The following TRIM54 variants were observed in gnomAD, a reference collection of about 807,000 sequenced individuals.
TRIM54 encodes tripartite motif containing 54, also known as tripartite motif-containing protein 54.
In TRIM54, 40 loss-of-function variants were observed where a neutral mutation model predicts 42.0. The observed-to-expected ratio is 0.95, with a 90% confidence interval of 0.74 to 1.24. TRIM54 has a LOEUF of 1.24. Among genes scored for constraint, TRIM54 ranks in the 50% most tolerant of loss-of-function variants. The pLI, the probability that TRIM54 is intolerant of heterozygous loss-of-function variation, is 0.00. For synonymous variants in TRIM54, 199 were observed against 194.9 expected (o/e 1.02, Z -0.17); for missense variants, 485 against 480.3 (o/e 1.01, Z -0.09).
intron 3 of TRIM54, 64 bp from the exon 4 acceptor site, chr2:27,304,895 T>C (rs1679144651): frequency 6.7e-7 from 1 of 1,481,716 alleles, no homozygotes; most frequent in East Asian, 2.3e-5. Context: ...CAACCCTGGC[T>C]GGGGTGAGGG....
chr2:27,283,206 G>T (rs796515259), intron 1 of TRIM54, among the ~76,000 whole-genome samples: 4 of 152,302 alleles, frequency 2.6e-5, no homozygotes, highest in African/African-American at 9.6e-5. Flanking sequence ...GGCTTTATAA[G>T]AGCCTGTGCC....
intron 1 of TRIM54, among the ~76,000 whole-genome samples, chr2:27,285,263 T>A (rs1678524069): frequency 6.6e-6 from 1 of 152,192 alleles, no homozygotes; most frequent in Non-Finnish European, 1.5e-5. Flanking sequence ...TATTTAGTTT[T>A]TTCGCACATT....
At chr2:27,286,420 C>A (rs1233451115) in intron 1 of TRIM54, among the ~76,000 whole-genome samples, 1 of 152,158 alleles carries the variant, frequency 6.6e-6, no homozygotes, top group Non-Finnish European at 1.5e-5. Context: ...CATTAACCCC[C>A]TCTAATTTCT....
intron 4 of TRIM54, 185 bp from the exon 5 acceptor site, chr2:27,305,399 A>T: frequency 1.7e-6 from 1 of 604,142 alleles, no homozygotes; most frequent in Non-Finnish European, 2.9e-6. Flanking sequence ...CAATCAGTGA[A>T]GCTACTTTAA....
Position 27,282,611 on chromosome 2 carries a change from C to CAGAGCTATTTCA in TRIM54, c.-116_-105dup, listed in dbSNP as rs1678412815. The CAGAGCTATTTCA allele has an allele frequency of 3.7e-6, 4 of 1,087,622 alleles. No individual in the cohort carries two copies. Among genetic ancestry groups the CAGAGCTATTTCA allele is most frequent in the Non-Finnish European group, 5.2e-6 (4 of 769,182 alleles). 67.4% of individuals were successfully genotyped at this position (1,087,622 alleles called of 1,614,324 possible). A position where few individuals can be genotyped will look rare whatever the true frequency, so the allele number is the denominator to read the frequency against. ...GTTGTTAAAGGGACAGGAGAGAAAG[C>CAGAGCTATTTCA]AGAGCTATTTCAAGAGTGAGCCACA... is the stretch of plus-strand genomic sequence containing the variant. On this transcript the variant is annotated 5_prime_UTR_variant, in exon 1 of 9. Coordinates refer to ENST00000380075, the MANE Select transcript of TRIM54 (RefSeq NM_187841.3).
chr2:27,306,577 G>T lies in TRIM54; in HGVS notation c.*1+35G>T, dbSNP rs1363971606. On this transcript the variant is annotated intron_variant, in intron 8 of 8. Transcript: ENST00000380075. This position sits in a 1 kb window ranked among gnomAD's most constrained non-coding sequence, Gnocchi z 6.1. ...GCCCGATGGGCCTTAAGGTGAGAGCGGCCTGAGGGGCTTGGGGTGGGGCCT... is the reference window on the plus strand; with the variant it reads ...GCCCGATGGGCCTTAAGGTGAGAGCTGCCTGAGGGGCTTGGGGTGGGGCCT... 2 of 1,496,264 alleles carry T rather than the reference G, an allele frequency of 1.3e-6. No individual in the cohort carries two copies. Among genetic ancestry groups the T allele is most frequent in the African/African-American group, 2.8e-5 (2 of 71,540 alleles). The allele number at this position is 1,496,264 out of a possible 1,614,324, so 92.7% of individuals were successfully genotyped here.
intron 1 of TRIM54, among the ~76,000 whole-genome samples, chr2:27,283,770 A>ACGCACGCGCGCGCGTGCG (rs1487361341): frequency 2.0e-5 from 2 of 100,476 alleles, no homozygotes; most frequent in Non-Finnish European, 3.9e-5. Flanking sequence ...AAAGGCACAC[A>ACGCACGCGCGCGCGTGCG]CACACACACG....
chr2:27,301,559 C>G (rs1267502448), intron 3 of TRIM54, among the ~76,000 whole-genome samples: 2 of 152,158 alleles, frequency 1.3e-5, no homozygotes, highest in African/African-American at 4.8e-5. Context: ...CATTAGTAAA[C>G]TGTCATGGAG....
At chr2:27,283,784 G>GCGCGCACACACACACACACACACA (rs367621533) in intron 1 of TRIM54, among the ~76,000 whole-genome samples, 1 of 132,168 alleles carries the variant, frequency 7.6e-6, no homozygotes, top group Non-Finnish European at 1.6e-5. Flanking sequence ...ACACACGCGC[G>GCGCGCACACACACACACACACACA]CACACACACA....
chr2:27,290,603 G>A (rs998671238), intron 1 of TRIM54, among the ~76,000 whole-genome samples: 2 of 152,168 alleles, frequency 1.3e-5, no homozygotes, highest in African/African-American at 4.8e-5. Flanking sequence ...CCGAGATTGT[G>A]CCACTGCATC....
chr2:27,306,157 G>T lies in TRIM54; in HGVS notation c.866+55G>T. ...GGGGGCTGCACTGCTCCACTGGCTG[G>T]GGTGGGGCTTGAGAGTGCTGGGGCA... On this transcript the variant is annotated intron_variant, in intron 6 of 8. Coordinates refer to ENST00000380075, the MANE Select transcript of TRIM54 (RefSeq NM_187841.3). The surrounding 1 kb of genome is among the most constrained non-coding windows in gnomAD (Gnocchi z 6.1). 6.2e-7 allele frequency: 1 copy of T among 1,614,036 alleles called. No individual in the cohort carries two copies. Among genetic ancestry groups the T allele is most frequent in the Non-Finnish European group, 8.5e-7 (1 of 1,179,986 alleles).
intron 2 of TRIM54, 145 bp downstream of exon 2, chr2:27,298,884 G>A (rs1572526117): frequency 2.3e-6 from 2 of 876,910 alleles, no homozygotes; most frequent in Non-Finnish European, 3.4e-6. Context: ...AGAGGGACTT[G>A]CCTCAGGCCT....
intron 1 of TRIM54, among the ~76,000 whole-genome samples, chr2:27,290,910 A>G (rs1558584059): frequency 6.6e-6 from 1 of 152,242 alleles, no homozygotes; most frequent in South Asian, 2.1e-4. Flanking sequence ...TAGCCACTCA[A>G]CATTTGCAAA....
chr2:27,291,385 T>C (rs1230791814), intron 1 of TRIM54, among the ~76,000 whole-genome samples: 3 of 152,154 alleles, frequency 2.0e-5, no homozygotes, highest in Non-Finnish European at 4.4e-5. Flanking sequence ...AAAAAATGAC[T>C]TTTAAACCTT....
intron 1 of TRIM54, among the ~76,000 whole-genome samples, chr2:27,283,778 A>G (rs149996558): frequency 0.2 from 19,905 of 101,848 alleles, 1,618 homozygotes; most frequent in South Asian, 0.28. Context: ...ACACACACAC[A>G]CGCGCGCACA....
At chr2:27,288,944 A>G (rs1244338451) in intron 1 of TRIM54, among the ~76,000 whole-genome samples, 4 of 152,232 alleles carry the variant, frequency 2.6e-5, no homozygotes, top group Non-Finnish European at 5.9e-5. Flanking sequence ...AATAGAACCA[A>G]TCAGTTATCT....
In TRIM54 at chr2:27,307,336, G is replaced by T. The variant is rs932118430; in HGVS notation, c.*451G>T. 2.8e-6 allele frequency: 3 copies of T among 1,089,266 alleles called. No homozygotes were observed. In the South Asian group the frequency reaches 5.0e-5, roughly 18 times the overall value. 67.5% of individuals were successfully genotyped at this position (1,089,266 alleles called of 1,614,324 possible). A position where few individuals can be genotyped will look rare whatever the true frequency, so the allele number is the denominator to read the frequency against. ...TTTGTTCCCCTCCCGCTGGCCCGGG[G>T]GCCCCACCTTCCCACGGGTTCCCAC... On this transcript the variant is annotated 3_prime_UTR_variant, in exon 9 of 9. Coordinates refer to ENST00000380075, the MANE Select transcript of TRIM54 (RefSeq NM_187841.3). The surrounding 1 kb of genome is among the most constrained non-coding windows in gnomAD (Gnocchi z 6.9).
chr2:27,286,587 T>C (rs1678565518), intron 1 of TRIM54, among the ~76,000 whole-genome samples: 1 of 152,178 alleles, frequency 6.6e-6, no homozygotes, highest in Non-Finnish European at 1.5e-5. Context: ...AAGCCTTCAG[T>C]TTATTTTTAT....
At position 27,306,457 on chromosome 2, in the gene TRIM54, C is replaced by T. The variant is rs774330449; in HGVS notation, c.993C>T (p.Gly331=). ...TCACCAGGCCTTCCTTGGGCTCAGG[C>T]GCTTCCGGGGAGGAAGAGGAGGTGG... is the stretch of plus-strand genomic sequence containing the variant. ...EMLRTIDFQP[G]ASGEEEEVAP... The change falls in exon 8 of 9, where the codon GGC becomes GGT. Residue 331 remains glycine (G), a splice_region_variant and synonymous_variant. Coordinates refer to ENST00000380075, the MANE Select transcript of TRIM54 (RefSeq NM_187841.3). The surrounding 1 kb of genome is among the most constrained non-coding windows in gnomAD (Gnocchi z 6.1). 1.3e-6 allele frequency: 2 copies of T among 1,598,774 alleles called. No homozygotes were observed. Among genetic ancestry groups the T allele is most frequent in the Non-Finnish European group, 1.7e-6 (2 of 1,172,620 alleles).
Sources: allele counts gnomAD v4.1 joint callset (sites outside exome capture counted in the v4.1 genomes callset), GRCh38; gene constraint gnomAD v4.1.1; non-coding constraint Gnocchi (gnomAD v3.1); transcripts MANE v1.5; gene names NCBI Gene and HGNC (gene_info 2026-07-23, HGNC 2026-07-21).